The following ERBB4 variants were observed in gnomAD, a reference collection of about 807,000 sequenced individuals.
ERBB4 encodes receptor tyrosine-protein kinase erbB-4.
ERBB4 carries 42 observed loss-of-function variants against 158.0 expected under a neutral mutation model. The observed-to-expected ratio is 0.27, with a 90% CI of 0.21 to 0.34. The LOEUF (loss-of-function observed/expected upper bound fraction) is 0.34, where lower values mean the gene tolerates loss of function less well. ERBB4 is among the 10% of genes least tolerant of loss of function. The pLI, the probability that ERBB4 is intolerant of heterozygous loss-of-function variation, is 1.00. For synonymous variants in ERBB4, 583 were observed against 558.7 expected (o/e 1.04, Z -0.61); for missense variants, 1,333 against 1,624.1 (o/e 0.82, Z 3.08).
intron 1 of ERBB4, among the ~76,000 whole-genome samples, chr2:212,243,927 T>C (rs1219647141): frequency 3.3e-5 from 5 of 152,180 alleles, no homozygotes; most frequent in East Asian, 1.9e-4. Context: ...AACCTCATTA[T>C]AGTTGTATGA....
chr2:211,992,659 C>G (rs909272672), intron 2 of ERBB4, among the ~76,000 whole-genome samples: 2 of 151,756 alleles, frequency 1.3e-5, no homozygotes, highest in Admixed American at 6.6e-5. Context: ...TCTGCTCAAG[C>G]ATTCCTATGG....
At chr2:211,966,282 C>T (rs113522992) in intron 2 of ERBB4, among the ~76,000 whole-genome samples, 6,957 of 152,152 alleles carry the variant, frequency 0.046, 244 homozygotes, top group African/African-American at 0.099. Flanking sequence ...AGCTCTGTTG[C>T]CCAGGTTAGA....
intron 2 of ERBB4, among the ~76,000 whole-genome samples, chr2:211,982,125 T>G (rs2081816724): frequency 6.6e-6 from 1 of 151,894 alleles, no homozygotes; most frequent in African/African-American, 2.4e-5. Context: ...TCAAGGAAGA[T>G]TTTAATAAAT....
At chr2:212,222,479 A>G (rs545845451) in intron 1 of ERBB4, among the ~76,000 whole-genome samples, 17 of 151,744 alleles carry the variant, frequency 1.1e-4, no homozygotes, top group African/African-American at 3.9e-4. Context: ...TAAGTTATCA[A>G]TGACTTTTTT....
At chr2:211,508,867 T>C (rs1315302226) in intron 20 of ERBB4, among the ~76,000 whole-genome samples, 8 of 151,980 alleles carry the variant, frequency 5.3e-5, no homozygotes, top group Admixed American at 5.2e-4. Context: ...GAGGCGGAGC[T>C]TGCAGTGAGC....
intron 3 of ERBB4, among the ~76,000 whole-genome samples, chr2:211,867,007 T>A (rs2078224604): frequency 9.6e-6 from 1 of 103,826 alleles, no homozygotes; most frequent in Non-Finnish European, 1.7e-5. Flanking sequence ...CCTATTAAAC[T>A]CTCCATTCCT....
intron 1 of ERBB4, among the ~76,000 whole-genome samples, chr2:212,140,846 A>AGTGTGTGTGTGT (rs35461019): frequency 2.3e-4 from 30 of 131,662 alleles, no homozygotes; most frequent in Admixed American, 4.6e-4. Flanking sequence ...AGGAAACATG[A>AGTGTGTGTGTGT]GTGTGTGTGT....
intron 3 of ERBB4, among the ~76,000 whole-genome samples, chr2:211,909,789 T>C (rs2079496897): frequency 6.6e-6 from 1 of 151,858 alleles, no homozygotes; most frequent in Admixed American, 6.6e-5. Flanking sequence ...CTCATTACTT[T>C]TCCATTTAAA....
At chr2:211,528,616 C>A (rs2066414214) in intron 20 of ERBB4, among the ~76,000 whole-genome samples, 1 of 151,884 alleles carries the variant, frequency 6.6e-6, no homozygotes, top group Non-Finnish European at 1.5e-5. Flanking sequence ...TGGCACAAAA[C>A]AAGTCTTAAA....
Position 211,871,382 on chromosome 2 carries a change from C to T in ERBB4, c.421+76048G>A, listed in dbSNP as rs150783233. Among the ~76,000 whole-genome samples the T allele has an allele frequency of 3.1e-3, 472 of 151,972 alleles. 2 individuals carry two copies. Among genetic ancestry groups the T allele is most frequent in the African/African-American group, 0.011 (443 of 41,460 alleles). On this transcript the variant is annotated intron_variant, in intron 3 of 27. Coordinates refer to ENST00000342788, the MANE Select transcript of ERBB4 (RefSeq NM_005235.3). ...TGTGTTAACTGCTATATATTGGGGC[C>T]ATTTTTTCTGGTAGTTAATCAAGTA...
chr2:211,950,461 T>G (rs1027047404), intron 2 of ERBB4, among the ~76,000 whole-genome samples: 2 of 152,170 alleles, frequency 1.3e-5, no homozygotes, highest in African/African-American at 4.8e-5. Context: ...TCCAGGTTGT[T>G]ATAAAGATAT....
chr2:212,212,583 G>C (rs1574445461), intron 1 of ERBB4, among the ~76,000 whole-genome samples: 2 of 151,556 alleles, frequency 1.3e-5, no homozygotes, highest in African/African-American at 4.9e-5. Flanking sequence ...ATTTCATATG[G>C]AATCAAAGAA....
chr2:211,937,588 GA>G (rs2080362027), intron 3 of ERBB4, among the ~76,000 whole-genome samples: 1 of 152,132 alleles, frequency 6.6e-6, no homozygotes, highest in African/African-American at 2.4e-5. Flanking sequence ...GAGGCCTCAT[GA>G]AACTCACAAT....
intron 2 of ERBB4, among the ~76,000 whole-genome samples, chr2:212,050,557 A>T (rs2077372799): frequency 6.6e-6 from 1 of 152,160 alleles, no homozygotes; most frequent in African/African-American, 2.4e-5. Flanking sequence ...ATATCAATTT[A>T]AAAATAAAAT....
intron 1 of ERBB4, among the ~76,000 whole-genome samples, chr2:212,283,874 A>C (rs2085854402): frequency 6.6e-6 from 1 of 152,080 alleles, no homozygotes; most frequent in Non-Finnish European, 1.5e-5. Context: ...AATTAAAATG[A>C]ATCCACAGTT....
At chr2:211,893,002 T>A (rs1358485187) in intron 3 of ERBB4, among the ~76,000 whole-genome samples, 1 of 147,646 alleles carries the variant, frequency 6.8e-6, no homozygotes, top group Non-Finnish European at 1.5e-5. Flanking sequence ...AATTTACAGA[T>A]TCAATGCCAT....
At chr2:211,552,617 C>T (rs376308155) in intron 20 of ERBB4, among the ~76,000 whole-genome samples, 3 of 151,126 alleles carry the variant, frequency 2.0e-5, no homozygotes, top group Non-Finnish European at 2.9e-5. Flanking sequence ...ATTAGGGCAC[C>T]GGAAAAAAAA....
intron 19 of ERBB4, among the ~76,000 whole-genome samples, chr2:211,575,874 T>C (rs973100749): frequency 1.3e-5 from 2 of 152,204 alleles, no homozygotes; most frequent in East Asian, 3.9e-4. Context: ...ATAATTTATA[T>C]GTAGAAATCA....
In ERBB4 at chr2:211,619,773, T is replaced by A. The variant is rs186341219; in HGVS notation, c.2203-498A>T. Among the ~76,000 whole-genome samples, 3 of 152,198 alleles carry A rather than the reference T, an allele frequency of 2.0e-5. No individual in the cohort carries two copies. The East Asian group carries it at 5.8e-4, about 29-fold the overall frequency. On this transcript the variant is annotated intron_variant, in intron 18 of 27. Coordinates refer to ENST00000342788, the MANE Select transcript of ERBB4 (RefSeq NM_005235.3). ...AAAGCATATTCTCATGTTCTTCAAG[T>A]TCAGATTGATTTATGAATTAATTTT...
Sources: allele counts gnomAD v4.1 joint callset (sites outside exome capture counted in the v4.1 genomes callset), GRCh38; gene constraint gnomAD v4.1.1; transcripts MANE v1.5; gene names NCBI Gene and HGNC (gene_info 2026-07-23, HGNC 2026-07-21).